ATAD5: variants seen among roughly 807,000 people sequenced by gnomAD.
The protein encoded by ATAD5 is ATPase family AAA domain containing 5, also known as ATPase family AAA domain-containing protein 5.
In ATAD5, 58 loss-of-function variants were observed where a neutral mutation model predicts 176.9. That is an observed-to-expected ratio of 0.33 (90% CI 0.27 to 0.41). The LOEUF (loss-of-function observed/expected upper bound fraction) is 0.41. Ranked by LOEUF, ATAD5 falls within the 10% of genes least tolerant of loss-of-function variation. ATAD5 has a pLI of 1.00. For missense variants in ATAD5, 1,789 were observed against 2,094.1 expected (o/e 0.85, Z 2.84); for synonymous variants, 640 against 712.6 (o/e 0.90, Z 1.62).
At chr17:30,889,567 A>G (rs546820608) in intron 19 of ATAD5, among the ~76,000 whole-genome samples, 11 of 151,678 alleles carry the variant, frequency 7.3e-5, no homozygotes, top group Non-Finnish European at 1.2e-4. Context: ...TGTCTTTCCT[A>G]AATACTTTAT....
At chr17:30,890,754 A>G (rs1447451335) in intron 19 of ATAD5, among the ~76,000 whole-genome samples, 1 of 151,462 alleles carries the variant, frequency 6.6e-6, no homozygotes, top group Non-Finnish European at 1.5e-5. Flanking sequence ...ATCTTTTTTT[A>G]TATACATTTC....
intron 6 of ATAD5, among the ~76,000 whole-genome samples, chr17:30,854,939 A>T (rs534974888): frequency 1.3e-3 from 194 of 151,954 alleles, no homozygotes; most frequent in African/African-American, 4.4e-3. Context: ...TTGTATTTTT[A>T]GTAGAGATGG....
chr17:30,832,303 G>A lies in ATAD5; in HGVS notation c.-45G>A. The A allele has an allele frequency of 3.4e-6, 5 of 1,478,548 alleles. No homozygotes were observed. In the South Asian group the frequency reaches 7.0e-5, roughly 21 times the overall value. The allele number at this position is 1,478,548 out of a possible 1,614,324, so 91.6% of individuals were successfully genotyped here. A position where few individuals can be genotyped will look rare whatever the true frequency, so the allele number is the denominator to read the frequency against. ...CATGGCCTCCAGGCAGGCCGGGCTG[G>A]ACCGCGTGAGGTCCTAGGAGACGGG... On this transcript the variant is annotated 5_prime_UTR_variant, in exon 1 of 23. Transcript: ENST00000321990.
intron 14 of ATAD5, among the ~76,000 whole-genome samples, chr17:30,874,399 G>A (rs1908529175): frequency 6.7e-6 from 1 of 149,496 alleles, no homozygotes; most frequent in African/African-American, 2.5e-5. Flanking sequence ...AAATTAGCTG[G>A]GCATGGTGGC....
Position 30,895,546 on chromosome 17 carries a change from A to C in ATAD5, c.*633A>C, listed in dbSNP as rs1311791591. The stretch of plus-strand genomic sequence containing the variant: ...CAGCCTCCTGAATAGCTGGGATTAC[A>C]GGCATGTGCCACCTTGCCCAGCTAA... On this transcript the variant is annotated 3_prime_UTR_variant, in exon 23 of 23. Transcript: ENST00000321990. 1 of 152,082 alleles carries C rather than the reference A, an allele frequency of 6.6e-6. No homozygotes were observed. Among genetic ancestry groups the C allele is most frequent in the East Asian group, 1.9e-4 (1 of 5,184 alleles). The allele number at this position is 152,082 out of a possible 1,614,324, so 9.4% of individuals were successfully genotyped here.
At chr17:30,872,449 C>T (rs946211275) in intron 14 of ATAD5, among the ~76,000 whole-genome samples, 1 of 151,902 alleles carries the variant, frequency 6.6e-6, no homozygotes, top group African/African-American at 2.4e-5. Context: ...GAGAGGGACT[C>T]TGCAAATTTC....
intron 19 of ATAD5, among the ~76,000 whole-genome samples, chr17:30,890,763 T>C (rs2142452917): frequency 6.6e-6 from 1 of 152,080 alleles, no homozygotes; most frequent in South Asian, 2.1e-4. Context: ...TATATACATT[T>C]CATCCCTGCC....
chr17:30,835,624 C>A lies in ATAD5; in HGVS notation c.1543C>A (p.Gln515Lys). The part of the protein sequence containing the change: ...TTFFLKEKQY[Q>K]NRMSLRQRKT... ...CTTTTTCTTAAAAGAGAAACAATAT[C>A]AAAATAGAATGAGTTTAAGACAAAG... Residue 515 changes from glutamine (Q) to lysine (K), a missense_variant, in exon 2 of 23, where the codon CAA (glutamine) becomes AAA (lysine). Physicochemically the swap from Gln to Lys is moderately conservative, Grantham distance 53. This residue lies in a region of ATAD5 where 696 missense variants were observed against 712.5 expected (regional missense o/e 0.98). Transcript: ENST00000321990. 2 of 1,608,832 alleles carry A rather than the reference C, an allele frequency of 1.2e-6. No individual in the cohort carries two copies. The highest frequency in any genetic ancestry group is 2.2e-5 in the South Asian group (2 of 89,392).
chr17:30,872,209 C>T (rs547935035), intron 14 of ATAD5, among the ~76,000 whole-genome samples: 9 of 152,286 alleles, frequency 5.9e-5, no homozygotes, highest in South Asian at 4.1e-4. Flanking sequence ...GCCGTCACCA[C>T]GCCCAGCTTT....
At chr17:30,869,103 G>A (rs977201796) in intron 12 of ATAD5, 145 bp from the exon 13 acceptor site, 17 of 910,834 alleles carry the variant, frequency 1.9e-5, no homozygotes, top group Non-Finnish European at 2.7e-5. Context: ...TGGGATTACA[G>A]GCATGTGCCA....
chr17:30,855,465 TTCTC>T (rs1284788663), intron 7 of ATAD5, 138 bp downstream of exon 7: 45 of 928,124 alleles, frequency 4.8e-5, no homozygotes, highest in Non-Finnish European at 6.7e-5. Context: ...TAAGGACAAT[TTCTC>T]TCACTATCCA....
intron 2 of ATAD5, 85 bp from the exon 3 acceptor site, chr17:30,837,121 A>C: frequency 1.3e-6 from 1 of 760,860 alleles, no homozygotes; most frequent in South Asian, 2.1e-5. Context: ...CCACTGCACC[A>C]GCTCTATTTT....
intron 18 of ATAD5, among the ~76,000 whole-genome samples, chr17:30,883,374 G>A (rs1253307585): frequency 2.0e-5 from 3 of 151,970 alleles, no homozygotes; most frequent in African/African-American, 4.8e-5. Flanking sequence ...TAATACTCCT[G>A]CCTCAGCCTC....
chr17:30,857,193 T>C, intron 8 of ATAD5, 81 bp downstream of exon 8: 1 of 1,448,036 alleles, frequency 6.9e-7, no homozygotes, highest in South Asian at 1.3e-5. Flanking sequence ...TATCTACTCT[T>C]ATAGCCTCGA....
Position 30,834,925 on chromosome 17 carries a change from A to G in ATAD5, c.844A>G (p.Ile282Val), listed in dbSNP as rs375594836. ...TCACAAGGAAAATAAAGTGGAAGAG[A>G]TACCAGACTCTACAATGTCAATTTG... is the stretch of plus-strand genomic sequence containing the variant. ...KSHKENKVEE[I>V]PDSTMSICVP... The change falls in exon 2 of 23, where the codon ATA becomes GTA. Residue 282 changes from isoleucine to valine, a missense_variant. Physicochemically the swap from Ile to Val is conservative, Grantham distance 29. This residue lies in a region of ATAD5 where 696 missense variants were observed against 712.5 expected (regional missense o/e 0.98). Coordinates refer to ENST00000321990, the MANE Select transcript of ATAD5 (RefSeq NM_024857.5). 22 of 1,612,452 alleles carry G rather than the reference A, an allele frequency of 1.4e-5. No homozygotes were observed. The highest frequency in any genetic ancestry group is 1.8e-5 in the Non-Finnish European group (21 of 1,179,510).
chr17:30,834,826 A>G lies in ATAD5; in HGVS notation c.745A>G (p.Arg249Gly), dbSNP rs1330380643. Residue 249 changes from arginine (R) to glycine (G), a missense_variant, in exon 2 of 23, where the codon AGA (arginine) becomes GGA (glycine). Around this residue, in one of 6 missense-constraint regions of ATAD5, gnomAD observed 696 missense variants for 712.5 expected, o/e 0.98. Transcript: ENST00000321990. ...MENTTSHANS[R>G]DNVTEAAQLN... ...GAATACTACAAGCCATGCAAACTCT[A>G]GAGATAACGTAACTGAAGCAGCCCA... 1.9e-6 allele frequency: 3 copies of G among 1,613,890 alleles called. No homozygotes were observed. The highest frequency in any genetic ancestry group is 2.5e-6 in the Non-Finnish European group (3 of 1,179,904).
rs1905640874 is a variant in ATAD5 at position 30,835,187 on chromosome 17, C to G, written c.1106C>G (p.Ser369Cys). The G allele has an allele frequency of 6.2e-7, 1 of 1,613,864 alleles. No homozygotes were observed. The highest frequency in any genetic ancestry group is 2.2e-5 in the East Asian group (1 of 44,868). Residue 369 changes from serine (S) to cysteine (C), a missense_variant, in exon 2 of 23, where the codon TCT becomes TGT. By Grantham distance (112) the Ser-to-Cys change is moderately radical (BLOSUM62 -1). This residue lies in a region of ATAD5 where 696 missense variants were observed against 712.5 expected (regional missense o/e 0.98). Coordinates refer to ENST00000321990, the MANE Select transcript of ATAD5 (RefSeq NM_024857.5). ...ENEQTVQKRK[S>C]NVVIQEEELE... The stretch of plus-strand genomic sequence containing the variant: ...GAACAGACAGTTCAGAAAAGAAAAT[C>G]TAATGTTGTTATACAGGAGGAAGAA...
intron 2 of ATAD5, among the ~76,000 whole-genome samples, 169 bp downstream of exon 2, chr17:30,836,217 C>T (rs914868580): frequency 6.0e-5 from 9 of 150,518 alleles, no homozygotes; most frequent in South Asian, 2.1e-4. Flanking sequence ...CTTGCTGTGT[C>T]GCCCAGGCTG....
Position 30,858,696 on chromosome 17 carries a change from T to G in ATAD5, c.2956+373T>G, listed in dbSNP as rs1907439214. Among the ~76,000 whole-genome samples, 4 of 149,556 alleles carry G rather than the reference T, an allele frequency of 2.7e-5. No individual in the cohort carries two copies. The South Asian group carries it at 8.5e-4, about 32-fold the overall frequency. On this transcript the variant is annotated intron_variant, in intron 9 of 22. Coordinates refer to ENST00000321990, the MANE Select transcript of ATAD5 (RefSeq NM_024857.5). ...CCACTGCGCTTGGCCTATTTTTTCT[T>G]TTTTTTTAGAGTGTTGCTCTGTCAC... is the stretch of plus-strand genomic sequence containing the variant.
Sources: gnomAD v4.1 joint callset for allele counts (sites outside exome capture counted in the v4.1 genomes callset) on GRCh38, gnomAD v4.1.1 for gene constraint, gnomAD v4.1.1 regional missense constraint, MANE v1.5 for transcripts, NCBI Gene and HGNC (gene_info 2026-07-23, HGNC 2026-07-21) for gene names.